Variants in GPC6 observed in about 807,000 individuals in gnomAD.
The protein encoded by GPC6 is glypican 6.
A neutral mutation model predicts 55.2 loss-of-function variants in GPC6; 14 were observed. The ratio of observed to expected loss-of-function variants is 0.25; its 90% CI spans 0.17 to 0.40. GPC6 has a LOEUF of 0.40. Ranked by LOEUF, GPC6 falls within the 10% of genes least tolerant of loss-of-function variation. GPC6 has a pLI of 1.00. For missense variants in GPC6, 641 were observed against 708.5 expected (o/e 0.90, Z 1.08); for synonymous variants, 278 against 259.6 (o/e 1.07, Z -0.68).
intron 4 of GPC6, among the ~76,000 whole-genome samples, chr13:94,229,246 G>A (rs577692508): frequency 1.3e-5 from 2 of 152,084 alleles, no homozygotes; most frequent in East Asian, 3.9e-4. Flanking sequence ...ATTTGCCTTT[G>A]GTGGAATAAT....
At chr13:93,384,384 GTT>G (rs10640733) in intron 1 of GPC6, among the ~76,000 whole-genome samples, 5 of 143,400 alleles carry the variant, frequency 3.5e-5, no homozygotes, top group African/African-American at 1.3e-4. Flanking sequence ...CCTGAAAACC[GTT>G]TTTTTTTTTT....
intron 3 of GPC6, among the ~76,000 whole-genome samples, chr13:94,005,664 A>AT (rs919427461): frequency 3.3e-5 from 5 of 152,142 alleles, no homozygotes; most frequent in African/African-American, 1.2e-4. Context: ...TTGATTCTGT[A>AT]TTTTTTGCAG....
At chr13:93,352,724 G>C (rs976267366) in intron 1 of GPC6, among the ~76,000 whole-genome samples, 7 of 152,122 alleles carry the variant, frequency 4.6e-5, no homozygotes, top group African/African-American at 1.7e-4. Context: ...ATCTTGGAAG[G>C]CCTGTTAAGT....
chr13:93,644,459 T>C (rs1193273948), intron 2 of GPC6, among the ~76,000 whole-genome samples: 6 of 152,034 alleles, frequency 3.9e-5, no homozygotes, highest in African/African-American at 1.4e-4. Context: ...AACAATAGGG[T>C]ACTACTTAAA....
chr13:94,083,274 A>G (rs1252665264), intron 4 of GPC6, among the ~76,000 whole-genome samples: 3 of 151,772 alleles, frequency 2.0e-5, no homozygotes, highest in Non-Finnish European at 4.4e-5. Context: ...GCCCGCCACC[A>G]CACCCGTCTA....
chr13:94,346,975 C>A (rs1282706792), intron 6 of GPC6, among the ~76,000 whole-genome samples: 1 of 152,148 alleles, frequency 6.6e-6, no homozygotes, highest in Non-Finnish European at 1.5e-5. Context: ...TCCACAGCAG[C>A]CTTTCCACCC....
At chr13:93,445,090 G>A (rs1269422853) in intron 1 of GPC6, among the ~76,000 whole-genome samples, 2 of 152,156 alleles carry the variant, frequency 1.3e-5, no homozygotes, top group African/African-American at 4.8e-5. Context: ...AAACATTTCT[G>A]CTATAGTCCT....
At chr13:94,147,931 A>T (rs1887617763) in intron 4 of GPC6, among the ~76,000 whole-genome samples, 1 of 152,214 alleles carries the variant, frequency 6.6e-6, no homozygotes, top group South Asian at 2.1e-4. Context: ...ATCCAGTTTG[A>T]TGTAAAGTTA....
chr13:93,774,009 A>G (rs1885383273), intron 2 of GPC6, among the ~76,000 whole-genome samples: 2 of 152,216 alleles, frequency 1.3e-5, no homozygotes, highest in South Asian at 2.1e-4. Context: ...GCTTTGGCTT[A>G]GATGCCTCAT....
intron 3 of GPC6, among the ~76,000 whole-genome samples, chr13:93,957,859 T>G (rs997381254): frequency 6.6e-6 from 1 of 152,118 alleles, no homozygotes; most frequent in Non-Finnish European, 1.5e-5. Context: ...AAGCATTCCC[T>G]TATCTGTGCA....
At chr13:93,499,093 A>ACG (rs1880422017) in intron 1 of GPC6, among the ~76,000 whole-genome samples, 2 of 111,668 alleles carry the variant, frequency 1.8e-5, no homozygotes, top group Non-Finnish European at 3.8e-5. Flanking sequence ...CTTAATTGTC[A>ACG]CACACACACA....
intron 2 of GPC6, among the ~76,000 whole-genome samples, chr13:93,604,776 G>C (rs895936879): frequency 2.0e-5 from 3 of 152,180 alleles, no homozygotes; most frequent in Admixed American, 2.0e-4. Context: ...GAATTTATCA[G>C]TGCCTAGTGA....
chr13:93,942,532 G>C (rs191075545), intron 3 of GPC6, among the ~76,000 whole-genome samples: 3 of 152,260 alleles, frequency 2.0e-5, no homozygotes, highest in Admixed American at 1.3e-4. Flanking sequence ...ATGTTGACCA[G>C]GTTGGTCTCA....
chr13:94,312,816 T>G (rs1876323828), intron 6 of GPC6, among the ~76,000 whole-genome samples: 1 of 152,130 alleles, frequency 6.6e-6, no homozygotes, highest in South Asian at 2.1e-4. Context: ...AGCTAGATTC[T>G]CCACTTTAAT....
chr13:93,289,418 G>A (rs759274101), intron 1 of GPC6, among the ~76,000 whole-genome samples: 6 of 152,030 alleles, frequency 3.9e-5, no homozygotes, highest in Middle Eastern at 3.2e-3. Context: ...TTATTTTTTG[G>A]TACACTGAAA....
At chr13:94,214,228 G>T (rs1890164512) in intron 4 of GPC6, among the ~76,000 whole-genome samples, 1 of 152,180 alleles carries the variant, frequency 6.6e-6, no homozygotes, top group Non-Finnish European at 1.5e-5. Flanking sequence ...CCAAATGCTT[G>T]TGCATATGTG....
chr13:93,965,952 T>C (rs1429425743), intron 3 of GPC6, among the ~76,000 whole-genome samples: 1 of 152,142 alleles, frequency 6.6e-6, no homozygotes, highest in African/African-American at 2.4e-5. Flanking sequence ...TGGCCAGCCC[T>C]CTTCCCGCAG....
intron 2 of GPC6, among the ~76,000 whole-genome samples, chr13:93,569,100 T>C (rs1357127674): frequency 2.6e-5 from 4 of 152,158 alleles, no homozygotes; most frequent in Admixed American, 2.6e-4. Flanking sequence ...GCTAGTTTTG[T>C]TTGAAATATT....
chr13:93,730,775 A>G (rs1883794857), intron 2 of GPC6, among the ~76,000 whole-genome samples: 1 of 152,174 alleles, frequency 6.6e-6, no homozygotes, highest in Non-Finnish European at 1.5e-5. Context: ...GAGTAAAACC[A>G]TTTCTTGTTT....
Sources: allele counts gnomAD v4.1 joint callset (sites outside exome capture counted in the v4.1 genomes callset), GRCh38; gene constraint gnomAD v4.1.1; transcripts MANE v1.5; gene names NCBI Gene and HGNC (gene_info 2026-07-23, HGNC 2026-07-21).